The following AUTS2 variants were observed in gnomAD, a reference collection of about 807,000 sequenced individuals.
The protein encoded by AUTS2 is activator of transcription and developmental regulator AUTS2.
A neutral mutation model predicts 112.4 loss-of-function variants in AUTS2; 17 were observed. That is an observed-to-expected ratio of 0.15 (90% confidence interval 0.10 to 0.23). The LOEUF (loss-of-function observed/expected upper bound fraction) is 0.23. Among genes scored for constraint, AUTS2 ranks in the 10% least tolerant of loss-of-function variants. AUTS2 has a pLI of 1.00. For synonymous variants in AUTS2, 751 were observed against 702.7 expected (o/e 1.07, Z -1.09); for missense variants, 1,510 against 1,701.6 (o/e 0.89, Z 1.98).
At chr7:69,889,961 G>A (rs926695781) in intron 1 of AUTS2, among the ~76,000 whole-genome samples, 1 of 152,090 alleles carries the variant, frequency 6.6e-6, no homozygotes, top group Non-Finnish European at 1.5e-5. Flanking sequence ...TCACTGATGA[G>A]ATTTTCTGCC....
intron 5 of AUTS2, among the ~76,000 whole-genome samples, chr7:70,445,134 G>C (rs932964540): frequency 6.6e-6 from 1 of 152,072 alleles, no homozygotes; most frequent in South Asian, 2.1e-4. Flanking sequence ...ATACACCATC[G>C]TTGACCATGT....
chr7:70,257,941 C>G (rs1215386755), intron 4 of AUTS2, among the ~76,000 whole-genome samples: 2 of 152,302 alleles, frequency 1.3e-5, no homozygotes, highest in Non-Finnish European at 1.5e-5. Context: ...TAGGTGGGCT[C>G]TGGTCCAACT....
chr7:70,618,164 G>A (rs1804477645), intron 5 of AUTS2, among the ~76,000 whole-genome samples: 1 of 152,178 alleles, frequency 6.6e-6, no homozygotes, highest in Non-Finnish European at 1.5e-5. Flanking sequence ...GTTCTTATTG[G>A]TTGAGAGAAC....
At position 69,946,557 on chromosome 7, in the gene AUTS2, TACACACACACACACACACACACACAC is replaced by T. The variant is rs57891742; in HGVS notation, c.522+47084_522+47109del. 4.4e-4 allele frequency among the ~76,000 whole-genome samples: 63 copies of T among 144,048 alleles called. 1 individual carries two copies. Among genetic ancestry groups the T allele is most frequent in the African/African-American group, 4.1e-4 (16 of 39,014 alleles). 94.5% of individuals were successfully genotyped at this position (144,048 alleles called of 152,430 possible). A position where few individuals can be genotyped will look rare whatever the true frequency, so the allele number is the denominator to read the frequency against. On this transcript the variant is annotated intron_variant, in intron 2 of 18. Coordinates refer to ENST00000342771, the MANE Select transcript of AUTS2 (RefSeq NM_015570.4). The stretch of plus-strand genomic sequence containing the variant: ...AATGGATAAAGAAAATGTGATGTGA[TACACACACACACACACACACACACAC>T]ACACACACACACACACACACACACG...
intron 4 of AUTS2, among the ~76,000 whole-genome samples, chr7:70,422,408 A>G (rs1424747107): frequency 6.6e-6 from 1 of 152,220 alleles, no homozygotes; most frequent in Admixed American, 6.5e-5. Context: ...TGATTTTCAT[A>G]AAAGAGTAAC....
chr7:70,367,276 G>T (rs1792619932), intron 4 of AUTS2, among the ~76,000 whole-genome samples: 1 of 149,882 alleles, frequency 6.7e-6, no homozygotes, highest in East Asian at 2.0e-4. Flanking sequence ...AAACAAAAAG[G>T]CCAGGCACGG....
intron 2 of AUTS2, among the ~76,000 whole-genome samples, chr7:69,991,143 A>G (rs1563020436): frequency 6.6e-6 from 1 of 152,222 alleles, no homozygotes; most frequent in Admixed American, 6.5e-5. Context: ...AGCTCCTTCC[A>G]GGCAGATCTG....
intron 4 of AUTS2, among the ~76,000 whole-genome samples, chr7:70,174,992 T>C (rs10251306): frequency 0.33 from 50,330 of 151,966 alleles, 9,062 homozygotes; most frequent in African/African-American, 0.48. Flanking sequence ...TCATAAGGCT[T>C]TAGCCACCGT....
At chr7:70,137,115 C>T (rs991484921) in intron 4 of AUTS2, among the ~76,000 whole-genome samples, 2 of 152,096 alleles carry the variant, frequency 1.3e-5, no homozygotes, top group African/African-American at 2.4e-5. Flanking sequence ...GTTTTGTGTT[C>T]CAAAGATGTC....
intron 4 of AUTS2, chr7:70,291,761 C>T (rs557557496): frequency 6.6e-6 from 1 of 152,122 alleles, no homozygotes; most frequent in Non-Finnish European, 1.5e-5. Context: ...TGATGGTGTT[C>T]ATATTCCATT....
chr7:70,463,205 G>A (rs1470338114), intron 5 of AUTS2, among the ~76,000 whole-genome samples: 1 of 152,184 alleles, frequency 6.6e-6, no homozygotes, highest in Non-Finnish European at 1.5e-5. Flanking sequence ...CACAATAAAG[G>A]TACAGTGTTC....
intron 5 of AUTS2, among the ~76,000 whole-genome samples, chr7:70,504,684 A>G (rs770057312): frequency 1.3e-5 from 2 of 152,202 alleles, no homozygotes; most frequent in Non-Finnish European, 2.9e-5. Context: ...TCTCGAAATC[A>G]TGAGTTTCCT....
At chr7:70,353,452 C>T (rs1791858071) in intron 4 of AUTS2, among the ~76,000 whole-genome samples, 1 of 152,036 alleles carries the variant, frequency 6.6e-6, no homozygotes, top group Non-Finnish European at 1.5e-5. Flanking sequence ...ACAAATATCA[C>T]ACAGGAGACC....
chr7:70,765,314 TC>T (rs1789867249), intron 8 of AUTS2, among the ~76,000 whole-genome samples: 1 of 152,172 alleles, frequency 6.6e-6, no homozygotes, highest in Admixed American at 6.5e-5. Context: ...TCCCGTGTCG[TC>T]TGGGCTCCCC....
At chr7:70,776,216 T>C (rs938197135) in intron 13 of AUTS2, among the ~76,000 whole-genome samples, 4 of 152,258 alleles carry the variant, frequency 2.6e-5, no homozygotes, top group African/African-American at 9.6e-5. Context: ...TCTTCGCCGA[T>C]GTAGAATGAG....
chr7:70,665,548 G>A (rs1024276461), intron 5 of AUTS2, among the ~76,000 whole-genome samples: 21 of 151,656 alleles, frequency 1.4e-4, no homozygotes, highest in South Asian at 2.1e-4. Context: ...TGATCTTCCC[G>A]CCTCGGCCTC....
chr7:69,867,505 G>A (rs1315626081), intron 1 of AUTS2, among the ~76,000 whole-genome samples: 2 of 152,124 alleles, frequency 1.3e-5, no homozygotes, highest in Admixed American at 6.5e-5. Flanking sequence ...TTAAAATATG[G>A]TCGTGAATAT....
chr7:69,847,897 G>A (rs573822985), intron 1 of AUTS2, among the ~76,000 whole-genome samples: 52 of 152,296 alleles, frequency 3.4e-4, no homozygotes, highest in Admixed American at 7.2e-4. Flanking sequence ...AGTACTAGGC[G>A]ATCCTCCTTT....
chr7:70,399,841 G>A (rs1490832610), intron 4 of AUTS2, among the ~76,000 whole-genome samples: 2 of 152,312 alleles, frequency 1.3e-5, no homozygotes, highest in East Asian at 3.9e-4. Flanking sequence ...CCCAGTGGAG[G>A]AGAGCAGAAG....
Sources: gnomAD v4.1 joint callset for allele counts (sites outside exome capture counted in the v4.1 genomes callset) on GRCh38, gnomAD v4.1.1 for gene constraint, MANE v1.5 for transcripts, NCBI Gene and HGNC (gene_info 2026-07-23, HGNC 2026-07-21) for gene names.